Variants in SLCO3A1 observed in about 807,000 individuals in gnomAD.
SLCO3A1 encodes PGE1 transporter.
Under a neutral mutation model 63.1 loss-of-function variants are expected in SLCO3A1, and 27 were observed. The ratio of observed to expected loss-of-function variants is 0.43; its 90% confidence interval spans 0.32 to 0.59. The LOEUF is 0.59. Among genes scored for constraint, SLCO3A1 ranks in the 20% least tolerant of loss-of-function variants. The pLI is 0.09. For synonymous variants in SLCO3A1, 473 were observed against 409.9 expected, an observed-to-expected ratio of 1.15 and a Z score of -1.86; for missense variants, 773 against 945.8, an observed-to-expected ratio of 0.82 and a Z score of 2.40.
At chr15:91,988,522 T>C (rs1011668296) in intron 2 of SLCO3A1, among the ~76,000 whole-genome samples, 3 of 147,750 alleles carry the variant, frequency 2.0e-5, no homozygotes. Context: ...TGGTTCAGCA[T>C]GAGACACGAT....
intron 9 of SLCO3A1, among the ~76,000 whole-genome samples, chr15:92,151,429 A>G (rs564440159): frequency 6.6e-6 from 1 of 152,200 alleles, no homozygotes; most frequent in South Asian, 2.1e-4. Flanking sequence ...TGCATCCTTT[A>G]AATTTTTCCA....
intron 2 of SLCO3A1, among the ~76,000 whole-genome samples, chr15:92,039,615 G>A (rs971143456): frequency 3.9e-5 from 6 of 152,220 alleles, no homozygotes; most frequent in Admixed American, 3.3e-4. Flanking sequence ...TACACTGTTG[G>A]TGGGAATGTA....
intron 2 of SLCO3A1, among the ~76,000 whole-genome samples, chr15:91,997,403 ATCAATATTGTTAAAATGG>A (rs990030032): frequency 6.6e-6 from 1 of 152,236 alleles, no homozygotes; most frequent in Non-Finnish European, 1.5e-5. Context: ...AATTGGAAGA[ATCAATATTGTTAAAATGG>A]TCATACTGCC....
intron 2 of SLCO3A1, among the ~76,000 whole-genome samples, chr15:91,961,286 G>A (rs1179700654): frequency 1.3e-5 from 2 of 152,228 alleles, no homozygotes; most frequent in Non-Finnish European, 2.9e-5. Context: ...AGTCAGGACT[G>A]CCTTGGCAAG....
At chr15:92,043,435 G>A (rs2046822768) in intron 2 of SLCO3A1, among the ~76,000 whole-genome samples, 1 of 152,196 alleles carries the variant, frequency 6.6e-6, no homozygotes, top group African/African-American at 2.4e-5. Context: ...GGCCCCAGAT[G>A]TCAGGACTGC....
chr15:92,073,231 C>T (rs765834362), intron 2 of SLCO3A1, among the ~76,000 whole-genome samples: 22 of 152,162 alleles, frequency 1.4e-4, no homozygotes, highest in Non-Finnish European at 2.5e-4. Flanking sequence ...TTCAGGTCTA[C>T]GCTACAGTGT....
At chr15:91,995,815 A>T (rs2046185405) in intron 2 of SLCO3A1, among the ~76,000 whole-genome samples, 1 of 152,006 alleles carries the variant, frequency 6.6e-6, no homozygotes, top group South Asian at 2.1e-4. Context: ...ATATGAATTC[A>T]TGATTAAAAA....
At chr15:91,873,363 A>G (rs1037486674) in intron 1 of SLCO3A1, among the ~76,000 whole-genome samples, 3 of 152,100 alleles carry the variant, frequency 2.0e-5, no homozygotes, top group Non-Finnish European at 4.4e-5. Context: ...ACTGACAGCA[A>G]CCCTGGGACA....
intron 2 of SLCO3A1, among the ~76,000 whole-genome samples, chr15:92,049,124 A>C (rs1242889242): frequency 6.6e-6 from 1 of 152,192 alleles, no homozygotes; most frequent in Non-Finnish European, 1.5e-5. Context: ...CAAGGAAAAG[A>C]CACCCATTGA....
Position 92,131,610 on chromosome 15 carries a change from C to T in SLCO3A1, c.1512+3121C>T, listed in dbSNP as rs558401155. ...CTTGAACTCCTGACCTCAAGTGATC[C>T]ACCCGTCTCGGCCTCCCAAAGTGCT... On this transcript the variant is annotated intron_variant, in intron 7 of 9. Transcript: ENST00000318445. Among the ~76,000 whole-genome samples, 3 of 145,466 alleles carry T rather than the reference C, an allele frequency of 2.1e-5. No homozygotes were observed. In the South Asian group the frequency reaches 6.6e-4, roughly 32 times the overall value.
chr15:92,104,180 A>T, intron 3 of SLCO3A1, 99 bp from the exon 4 acceptor site: 1 of 1,371,092 alleles, frequency 7.3e-7, no homozygotes, highest in South Asian at 1.3e-5. Flanking sequence ...TCATTTCTAG[A>T]GCCCTTGCCC....
chr15:91,972,645 G>A (rs960630276), intron 2 of SLCO3A1, among the ~76,000 whole-genome samples: 4 of 152,206 alleles, frequency 2.6e-5, no homozygotes, highest in Non-Finnish European at 4.4e-5. Context: ...CGTGCTGACC[G>A]ATCGATCTTC....
chr15:92,025,541 T>C (rs1243320901), intron 2 of SLCO3A1, among the ~76,000 whole-genome samples: 7 of 152,222 alleles, frequency 4.6e-5, no homozygotes, highest in Admixed American at 2.0e-4. Context: ...TTTTGGAGAA[T>C]GCTAGGCTCT....
At chr15:91,855,970 GCA>G (rs1484746004) in intron 1 of SLCO3A1, among the ~76,000 whole-genome samples, 4 of 152,068 alleles carry the variant, frequency 2.6e-5, no homozygotes, top group African/African-American at 4.8e-5. Context: ...TTTTTCGGTT[GCA>G]GTGATCTAAG....
intron 4 of SLCO3A1, among the ~76,000 whole-genome samples, chr15:92,116,837 A>C (rs1345596680): frequency 6.6e-6 from 1 of 152,188 alleles, no homozygotes; most frequent in Non-Finnish European, 1.5e-5. Context: ...CTTGGAAGGA[A>C]ATAGCGAACC....
At chr15:92,162,467 A>AAGTT (rs998758421) in intron 9 of SLCO3A1, 3 of 343,108 alleles carry the variant, frequency 8.7e-6, no homozygotes, top group Non-Finnish European at 1.6e-5. Flanking sequence ...TCTATGTGTA[A>AAGTT]AGTTAGTCTT....
At chr15:91,981,440 A>G (rs1403314139) in intron 2 of SLCO3A1, among the ~76,000 whole-genome samples, 4 of 152,060 alleles carry the variant, frequency 2.6e-5, no homozygotes, top group Admixed American at 2.6e-4. Flanking sequence ...CAGCCACTCC[A>G]GACTCCAGCT....
chr15:92,074,778 C>G (rs1014154489), intron 2 of SLCO3A1, among the ~76,000 whole-genome samples: 6 of 84,390 alleles, frequency 7.1e-5, no homozygotes, highest in Non-Finnish European at 1.4e-4. Context: ...ACAAGCAGGG[C>G]GGTGGGGGGT....
chr15:92,086,982 CAAAA>C (rs35886694), intron 2 of SLCO3A1, among the ~76,000 whole-genome samples: 1 of 133,880 alleles, frequency 7.5e-6, no homozygotes. Flanking sequence ...AACTCCGTCT[CAAAA>C]AAAAAAAAAA....
Sources: allele counts gnomAD v4.1 joint callset (sites outside exome capture counted in the v4.1 genomes callset), GRCh38; gene constraint gnomAD v4.1.1; transcripts MANE v1.5; gene names NCBI Gene and HGNC (gene_info 2026-07-23, HGNC 2026-07-21).